The following SHE variants were observed in gnomAD, a reference collection of about 807,000 sequenced individuals.
The protein encoded by SHE is SH2 domain-containing adapter protein E.
Under a neutral mutation model 49.8 loss-of-function variants are expected in SHE, and 11 were observed. The observed-to-expected ratio is 0.22, with a 90% CI of 0.14 to 0.37. SHE has a LOEUF of 0.37. Among genes scored for constraint, SHE ranks in the 10% least tolerant of loss-of-function variants. The pLI is 1.00. For missense variants in SHE, 624 were observed against 655.5 expected (o/e 0.95, Z 0.52); for synonymous variants, 310 against 278.1 (o/e 1.11, Z -1.14).
intron 1 of SHE, among the ~76,000 whole-genome samples, chr1:154,473,144 A>T (rs558094579): frequency 6.6e-6 from 1 of 151,830 alleles, no homozygotes; most frequent in East Asian, 2.0e-4. Context: ...GATTACAGGC[A>T]TGTGCCACCA....
Position 154,501,993 on chromosome 1 carries a change from AC to A in SHE, c.33del (p.Cys12ValfsTer36). 7.2e-7 allele frequency: 1 copy of A among 1,394,792 alleles called. No homozygotes were observed. Among genetic ancestry groups the A allele is most frequent in the Non-Finnish European group, 9.2e-7 (1 of 1,083,316 alleles). The allele number at this position is 1,394,792 out of a possible 1,614,324, so 86.4% of individuals were successfully genotyped here. ...GCGAGCGAGGAAGCCCAGCCCAGAC[AC>A]GCAGAGGCGCCAGGGGTCGGGGACC... MQWSPTPGAS[A>X]CLGWASSLAC... On this transcript the variant is annotated frameshift_variant, in exon 1 of 6. Coordinates refer to ENST00000304760, the MANE Select transcript of SHE (RefSeq NM_001010846.3). LOFTEE classifies it high-confidence loss of function.
chr1:154,477,905 AAAAAG>A (rs1199429041), downstream of SHE, among the ~76,000 whole-genome samples: 33 of 151,374 alleles, frequency 2.2e-4, no homozygotes, highest in African/African-American at 6.6e-4. Flanking sequence ...AAAAAAAAAA[AAAAAG>A]AAAGAAAAGA....
chr1:154,474,409 C>G (rs1227866810), intron 1 of SHE, among the ~76,000 whole-genome samples: 1 of 152,220 alleles, frequency 6.6e-6, no homozygotes, highest in Admixed American at 6.5e-5. Flanking sequence ...CTATACCTAG[C>G]CACACCTCTG....
chr1:154,483,264 CTGACCAACAAAATAATCCT>C lies in SHE; in HGVS notation c.*866_*884del. The stretch of plus-strand genomic sequence containing the variant: ...GAGAACACACACTTTCTTGGAAAGG[CTGACCAACAAAATAATCCT>C]TAGGCCACACTCTGAAGTTGCGGAT... On this transcript the variant is annotated 3_prime_UTR_variant, in exon 6 of 6. Transcript: ENST00000304760. The C allele has an allele frequency of 1.0e-6, 1 of 985,368 alleles. No homozygotes were observed. The highest frequency in any genetic ancestry group is 1.2e-6 in the Non-Finnish European group (1 of 829,920). The allele number at this position is 985,368 out of a possible 1,614,324, so 61.0% of individuals were successfully genotyped here. A position where few individuals can be genotyped will look rare whatever the true frequency, so the allele number is the denominator to read the frequency against.
intron 3 of SHE, among the ~76,000 whole-genome samples, chr1:154,487,196 C>A (rs540257494): frequency 1.4e-5 from 2 of 146,644 alleles, no homozygotes; most frequent in African/African-American, 2.5e-5. Context: ...CACTTGAACC[C>A]GGGAGGCAGA....
chr1:154,499,916 T>C (rs146791489), intron 1 of SHE, among the ~76,000 whole-genome samples: 376 of 152,230 alleles, frequency 2.5e-3, no homozygotes, highest in African/African-American at 8.1e-3. Flanking sequence ...AAAGCATCCA[T>C]CTTTCCAAAA....
chr1:154,489,677 A>C (rs1692305197), intron 2 of SHE, among the ~76,000 whole-genome samples: 1 of 152,074 alleles, frequency 6.6e-6, no homozygotes, highest in Non-Finnish European at 1.5e-5. Context: ...TAGTGGCCTC[A>C]GGGTAACCTG....
chr1:154,502,149 G>A lies in SHE; in HGVS notation c.-123C>T. On this transcript the variant is annotated 5_prime_UTR_variant, in exon 1 of 6. Transcript: ENST00000304760. ...TCTCACGGCTCGGGGCGCCGAGCGGGCGGGCGCTAGCCTCTGCTCCGGACA... is the reference window on the plus strand; with the variant it reads ...TCTCACGGCTCGGGGCGCCGAGCGGACGGGCGCTAGCCTCTGCTCCGGACA... The A allele has an allele frequency of 2.6e-6, 2 of 763,790 alleles. No individual in the cohort carries two copies. The highest frequency in any genetic ancestry group is 9.0e-5 in the East Asian group (2 of 22,238). The allele number at this position is 763,790 out of a possible 1,614,324, so 47.3% of individuals were successfully genotyped here.
downstream of SHE, among the ~76,000 whole-genome samples, chr1:154,477,231 T>TG (rs1438732183): frequency 6.6e-6 from 1 of 152,178 alleles, no homozygotes; most frequent in Admixed American, 6.5e-5. Context: ...TGCCCCTCTA[T>TG]GGGTAGAGAG....
chr1:154,499,236 G>C lies in SHE; in HGVS notation c.594C>G (p.Val198=). Residue 198 remains valine, a splice_region_variant and synonymous_variant, in exon 2 of 6, where the codon GTC becomes GTG. Coordinates refer to ENST00000304760, the MANE Select transcript of SHE (RefSeq NM_001010846.3). ...GGTCAGCATAGTCTTCTAAAATGAT[G>C]ACCTGAAAAAGAACAAGAGAGGACA... The part of the protein sequence containing the change: ...KGKIIKQQET[V]IILEDYADPY... 6.2e-7 allele frequency: 1 copy of C among 1,612,468 alleles called. No individual in the cohort carries two copies. Among genetic ancestry groups the C allele is most frequent in the South Asian group, 1.1e-5 (1 of 90,968 alleles).
intron 1 of SHE, among the ~76,000 whole-genome samples, chr1:154,470,834 T>C (rs1691723947): frequency 6.7e-6 from 1 of 149,662 alleles, no homozygotes; most frequent in Non-Finnish European, 1.5e-5. Context: ...AGCCAGACTC[T>C]GTCTCAAAAA....
intron 4 of SHE, 111 bp downstream of exon 4, chr1:154,486,416 C>G: frequency 7.0e-7 from 1 of 1,433,708 alleles, no homozygotes; most frequent in Non-Finnish European, 9.4e-7. Flanking sequence ...CCCATCCAGG[C>G]AAGTGTTCAT....
At position 154,484,061 on chromosome 1, in the gene SHE, T is replaced by TA; in HGVS notation, c.*87dup. The TA allele has an allele frequency of 5.3e-6, 8 of 1,500,680 alleles. No homozygotes were observed. In the South Asian group the frequency reaches 5.4e-5, roughly 10 times the overall value. The allele number at this position is 1,500,680 out of a possible 1,614,324, so 93.0% of individuals were successfully genotyped here. A position where few individuals can be genotyped will look rare whatever the true frequency, so the allele number is the denominator to read the frequency against. Reference sequence around the variant, plus strand: ...AAGACTCCCATTTTCTAGCAGTTGCTAGTCCAGCCTTGTCCTCTGAGATGC... The same window carrying TA: ...AAGACTCCCATTTTCTAGCAGTTGCTAAGTCCAGCCTTGTCCTCTGAGATGC... On this transcript the variant is annotated 3_prime_UTR_variant, in exon 6 of 6. Transcript: ENST00000304760.
In SHE at chr1:154,479,516, C is replaced by T. The variant is rs1691964161; in HGVS notation, c.*4633G>A. 1.0e-6 allele frequency: 1 copy of T among 985,212 alleles called. No homozygotes were observed. The highest frequency in any genetic ancestry group is 1.2e-6 in the Non-Finnish European group (1 of 829,880). The allele number at this position is 985,212 out of a possible 1,614,324, so 61.0% of individuals were successfully genotyped here. A position where few individuals can be genotyped will look rare whatever the true frequency, so the allele number is the denominator to read the frequency against. On this transcript the variant is annotated 3_prime_UTR_variant, in exon 6 of 6. Transcript: ENST00000304760. ...ATAATGTTTATTTAAAGTTACATTTCAGAGGAAACTATCTTCAGGAGGGCA... is the reference window on the plus strand; with the variant it reads ...ATAATGTTTATTTAAAGTTACATTTTAGAGGAAACTATCTTCAGGAGGGCA...
intron 1 of SHE, among the ~76,000 whole-genome samples, chr1:154,471,325 G>A (rs1009375004): frequency 1.3e-5 from 2 of 152,066 alleles, no homozygotes; most frequent in African/African-American, 2.4e-5. Flanking sequence ...TTCAAGACCA[G>A]CCTGGTGCAC....
intron 2 of SHE, among the ~76,000 whole-genome samples, chr1:154,492,658 G>A (rs992395669): frequency 2.0e-5 from 3 of 152,034 alleles, no homozygotes; most frequent in Admixed American, 6.6e-5. Flanking sequence ...CTCTGTTCTT[G>A]GTTCAATTAA....
rs987016593 is a variant in SHE at position 154,482,608 on chromosome 1, C to A, written c.*1541G>T. 3.1e-5 allele frequency: 31 copies of A among 985,278 alleles called. No homozygotes were observed. The highest frequency in any genetic ancestry group is 3.7e-5 in the Non-Finnish European group (31 of 829,954). The allele number at this position is 985,278 out of a possible 1,614,324, so 61.0% of individuals were successfully genotyped here. On this transcript the variant is annotated 3_prime_UTR_variant, in exon 6 of 6. Transcript: ENST00000304760. ...GCAGTTTTGAGACCCAAATGACCAA[C>A]CCCAGAATACAGACACATCTGCTGA...
chr1:154,479,243 G>A (rs1452075602), downstream of SHE, among the ~76,000 whole-genome samples: 1 of 152,048 alleles, frequency 6.6e-6, no homozygotes, highest in Non-Finnish European at 1.5e-5. Flanking sequence ...GCCAGGAAAT[G>A]GCAGTAAAAC....
rs145760218 is a variant in SHE at position 154,497,370 on chromosome 1, C to G, written c.718+1742G>C. Among the ~76,000 whole-genome samples, 4 of 152,354 alleles carry G rather than the reference C, an allele frequency of 2.6e-5. No individual in the cohort carries two copies. The East Asian group carries it at 5.8e-4, about 22-fold the overall frequency. On this transcript the variant is annotated intron_variant, in intron 2 of 5. Transcript: ENST00000304760. Reference sequence around the variant, plus strand: ...TTACTCTTCCCAGGCATGAAACCCACAAGAGTCAAATAAGGCTCCCTTGAG... The same window carrying G: ...TTACTCTTCCCAGGCATGAAACCCAGAAGAGTCAAATAAGGCTCCCTTGAG...
Sources: allele counts gnomAD v4.1 joint callset (sites outside exome capture counted in the v4.1 genomes callset), GRCh38; gene constraint gnomAD v4.1.1; transcripts MANE v1.5; gene names NCBI Gene and HGNC (gene_info 2026-07-23, HGNC 2026-07-21).